Variants in MYO5B observed in about 807,000 individuals in gnomAD.
The protein encoded by MYO5B is myosin VB.
A neutral mutation model predicts 229.3 loss-of-function variants in MYO5B; 143 were observed. The observed-to-expected ratio is 0.62, with a 90% CI of 0.54 to 0.72. The LOEUF is 0.72. MYO5B is among the 30% of genes least tolerant of loss of function. The pLI is 0.00. For synonymous variants in MYO5B, 918 were observed against 885.2 expected (o/e 1.04, Z -0.66); for missense variants, 2,321 against 2,331.0 (o/e 1.00, Z 0.09).
rs1216746762 is a variant in MYO5B, at chr18:49,928,466, A to G, written c.2090+1046T>C. 3.9e-5 allele frequency among the ~76,000 whole-genome samples: 6 copies of G among 152,208 alleles called. No homozygotes were observed. The East Asian group carries it at 9.6e-4, about 24-fold the overall frequency. ...TGAGGCTAGCCTGGCTAGCATGGTA[A>G]AACTCCATCTTTACTAAAAATACAA... On this transcript the variant is annotated intron_variant, in intron 17 of 39. Coordinates refer to ENST00000285039, the MANE Select transcript of MYO5B (RefSeq NM_001080467.3).
intron 15 of MYO5B, among the ~76,000 whole-genome samples, chr18:49,936,753 A>G (rs2144211356): frequency 6.6e-6 from 1 of 152,288 alleles, no homozygotes; most frequent in East Asian, 1.9e-4. Flanking sequence ...AATTTGTTAT[A>G]CTAAATGTCC....
chr18:50,100,174 C>G (rs1267373387), intron 1 of MYO5B, among the ~76,000 whole-genome samples: 1 of 152,232 alleles, frequency 6.6e-6, no homozygotes, highest in Non-Finnish European at 1.5e-5. Context: ...ATGAGCACAT[C>G]TGTTTGGATA....
chr18:50,047,690 C>A (rs932497350), intron 2 of MYO5B, among the ~76,000 whole-genome samples: 1 of 152,012 alleles, frequency 6.6e-6, no homozygotes, highest in Non-Finnish European at 1.5e-5. Context: ...GGAACCAACC[C>A]AAATGTCCAA....
chr18:50,106,246 C>T (rs1007457049), intron 1 of MYO5B, among the ~76,000 whole-genome samples: 1 of 152,210 alleles, frequency 6.6e-6, no homozygotes, highest in Non-Finnish European at 1.5e-5. Flanking sequence ...CCAGGTCTCA[C>T]CTTTTCTCAC....
chr18:50,122,634 GGAGAGAGAGAGAGA>G (rs778675940), intron 1 of MYO5B, among the ~76,000 whole-genome samples: 3 of 9,260 alleles, frequency 3.2e-4, no homozygotes, highest in South Asian at 4.9e-3. Context: ...GAAGGGGGGG[GGAGAGAGAGAGAGA>G]GAGAGAGAGA....
chr18:49,931,178 G>C (rs1288626833), intron 16 of MYO5B, among the ~76,000 whole-genome samples: 1 of 152,038 alleles, frequency 6.6e-6, no homozygotes, highest in Non-Finnish European at 1.5e-5. Flanking sequence ...GAGCTGCCTG[G>C]GCTCAGTGGG....
intron 5 of MYO5B, 104 bp downstream of exon 5, chr18:50,001,151 C>T: frequency 7.0e-7 from 1 of 1,434,870 alleles, no homozygotes; most frequent in Non-Finnish European, 9.8e-7. Context: ...AGAGGGCTCT[C>T]AGGGAGAGGC....
intron 14 of MYO5B, among the ~76,000 whole-genome samples, chr18:49,939,492 T>G (rs750459889): frequency 6.6e-6 from 1 of 152,160 alleles, no homozygotes; most frequent in Non-Finnish European, 1.5e-5. Flanking sequence ...CTTAAGAAAG[T>G]TGTATTTTTG....
intron 11 of MYO5B, among the ~76,000 whole-genome samples, chr18:49,962,634 G>A (rs915479150): frequency 3.3e-5 from 5 of 152,142 alleles, no homozygotes; most frequent in Non-Finnish European, 7.3e-5. Context: ...CTGAGTTGCC[G>A]TATTCCCATT....
intron 10 of MYO5B, among the ~76,000 whole-genome samples, chr18:49,973,694 T>C (rs2025714701): frequency 6.6e-6 from 1 of 152,214 alleles, no homozygotes; most frequent in Non-Finnish European, 1.5e-5. Context: ...AGAGAGGGTC[T>C]GCTATCTGTG....
chr18:49,944,243 G>A (rs192601291), intron 14 of MYO5B, among the ~76,000 whole-genome samples: 55 of 152,146 alleles, frequency 3.6e-4, no homozygotes, highest in Non-Finnish European at 8.8e-5. Context: ...TGAGACTTAG[G>A]GCCCAAGATC....
intron 1 of MYO5B, among the ~76,000 whole-genome samples, chr18:50,057,467 G>C (rs1027744065): frequency 7.2e-5 from 11 of 152,224 alleles, no homozygotes; most frequent in African/African-American, 2.7e-4. Flanking sequence ...AGGTGATGTT[G>C]TGTAGATCCT....
In MYO5B at chr18:49,877,772, C is replaced by A. The variant is rs753452028; in HGVS notation, c.3387G>T (p.Gln1129His). ...SEIGDTEDALQQVEEIGLEKA... is the reference protein window; with the variant it reads ...SEIGDTEDALHQVEEIGLEKA... ...AGCCTGCATCACTCACCTCCACCTG[C>A]TGGAGGGCATCCTCAGTGTCTCCGA... Residue 1129 changes from glutamine to histidine, a missense_variant, in exon 25 of 40, where the codon CAG (glutamine) becomes CAT (histidine). Physicochemically the swap from Gln to His is conservative, Grantham distance 24 (BLOSUM62 0). This residue lies in a region of MYO5B where 2,113 missense variants were observed against 2,044.7 expected (regional missense o/e 1.03). Coordinates refer to ENST00000285039, the MANE Select transcript of MYO5B (RefSeq NM_001080467.3). 3 of 1,614,092 alleles carry A rather than the reference C, an allele frequency of 1.9e-6. No individual in the cohort carries two copies. Among genetic ancestry groups the A allele is most frequent in the South Asian group, 2.2e-5 (2 of 91,088 alleles).
At chr18:49,899,027 T>C (rs2024812316) in intron 21 of MYO5B, among the ~76,000 whole-genome samples, 1 of 152,144 alleles carries the variant, frequency 6.6e-6, no homozygotes, top group Admixed American at 6.5e-5. Context: ...TTGGAAGAAC[T>C]AAAGCCCCAA....
intron 28 of MYO5B, among the ~76,000 whole-genome samples, 186 bp downstream of exon 28, chr18:49,863,955 C>G (rs1318054618): frequency 6.6e-6 from 1 of 152,162 alleles, no homozygotes; most frequent in African/African-American, 2.4e-5. Flanking sequence ...TAGCTGCATC[C>G]CCCAGGGAAG....
chr18:49,823,272 T>C lies in MYO5B; in HGVS notation c.*3199A>G, dbSNP rs1031534967. 2 of 152,270 alleles carry C rather than the reference T, an allele frequency of 1.3e-5. No homozygotes were observed. Among genetic ancestry groups the C allele is most frequent in the African/African-American group, 4.8e-5 (2 of 41,470 alleles). The allele number at this position is 152,270 out of a possible 1,614,324, so 9.4% of individuals were successfully genotyped here. ...ACCAGTGGGTATAAAAAGTGAATTA[T>C]GGTTATTTGGCTCATGCAGCAAATT... On this transcript the variant is annotated 3_prime_UTR_variant, in exon 40 of 40. Transcript: ENST00000285039.
chr18:49,907,923 C>T (rs1328629540), intron 18 of MYO5B, among the ~76,000 whole-genome samples: 4 of 152,230 alleles, frequency 2.6e-5, no homozygotes, highest in African/African-American at 4.8e-5. Context: ...GGAACAGGGG[C>T]TGGATGGGAC....
chr18:50,149,593 C>A (rs1277582319), intron 1 of MYO5B, among the ~76,000 whole-genome samples: 4 of 149,316 alleles, frequency 2.7e-5, no homozygotes, highest in East Asian at 4.0e-4. Flanking sequence ...GAAAGGATTC[C>A]CTATTTAATA....
At chr18:50,053,873 G>T (rs1317477024) in intron 2 of MYO5B, among the ~76,000 whole-genome samples, 1 of 152,156 alleles carries the variant, frequency 6.6e-6, no homozygotes, top group Non-Finnish European at 1.5e-5. Flanking sequence ...ATTCAGAGAG[G>T]AAACAGTATC....
Sources: gnomAD v4.1 joint callset for allele counts (sites outside exome capture counted in the v4.1 genomes callset) on GRCh38, gnomAD v4.1.1 for gene constraint, gnomAD v4.1.1 regional missense constraint, MANE v1.5 for transcripts, NCBI Gene and HGNC (gene_info 2026-07-23, HGNC 2026-07-21) for gene names.